The following TDRP variants were observed in gnomAD, a reference collection of about 807,000 sequenced individuals.
TDRP encodes testis development-related protein.
TDRP carries 12 observed loss-of-function variants against 10.5 expected under a neutral mutation model. That is an observed-to-expected ratio of 1.15 (90% CI 0.73 to 1.86). The LOEUF is 1.86. Ranked by LOEUF, TDRP falls within the 40% of genes most tolerant of loss-of-function variation. The pLI, the probability that TDRP is intolerant of heterozygous loss-of-function variation, is 0.00. For synonymous variants in TDRP, 139 were observed against 95.4 expected (o/e 1.46, Z -2.67); for missense variants, 353 against 229.2 (o/e 1.54, Z -3.49).
intron 1 of TDRP, 84 bp downstream of exon 1, chr8:544,566 A>ACCTCCACCTGCGCGCCGCCCACCCTCGC (rs571635190): frequency 2.1e-6 from 2 of 964,754 alleles, no homozygotes; most frequent in Admixed American, 4.4e-5. Flanking sequence ...AACTACCCGC[A>ACCTCCACCTGCGCGCCGCCCACCCTCGC]CCTCCACCTG....
chr8:530,655 C>T (rs1166030091), intron 1 of TDRP, among the ~76,000 whole-genome samples: 2 of 152,146 alleles, frequency 1.3e-5, no homozygotes, highest in Non-Finnish European at 2.9e-5. Context: ...CCCTCTGGTG[C>T]TTGTCTGTGG....
chr8:544,324 G>A (rs1584889717), intron 1 of TDRP, among the ~76,000 whole-genome samples: 2 of 152,106 alleles, frequency 1.3e-5, no homozygotes, highest in African/African-American at 4.8e-5. Flanking sequence ...CCGCTCTCCT[G>A]GGACTGCGCC....
intron 1 of TDRP, among the ~76,000 whole-genome samples, chr8:525,034 G>A (rs968265090): frequency 1.3e-5 from 2 of 152,092 alleles, no homozygotes; most frequent in African/African-American, 2.4e-5. Flanking sequence ...AACTCCTAAA[G>A]ACCAAAGATA....
intron 1 of TDRP, among the ~76,000 whole-genome samples, chr8:538,556 G>A (rs1802411109): frequency 6.6e-6 from 1 of 152,134 alleles, no homozygotes; most frequent in African/African-American, 2.4e-5. Flanking sequence ...ACTGATACTT[G>A]GCTAGGTCAA....
rs35680705 is a variant in TDRP, at chr8:504,864, G to C, written c.109-10267C>G. Among the ~76,000 whole-genome samples, 491 of 152,116 alleles carry C rather than the reference G, an allele frequency of 3.2e-3. 1 individual carries two copies. Among genetic ancestry groups the C allele is most frequent in the Non-Finnish European group, 5.3e-3 (358 of 67,956 alleles). Reference sequence around the variant, plus strand: ...ACCCAGACTTATAAATTCATTCTAAGCCCATGAGAGGCATTATTAATCATT... The same window carrying C: ...ACCCAGACTTATAAATTCATTCTAACCCCATGAGAGGCATTATTAATCATT... On this transcript the variant is annotated intron_variant, in intron 1 of 2. Coordinates refer to ENST00000324079, the MANE Select transcript of TDRP (RefSeq NM_001384899.1).
intron 1 of TDRP, among the ~76,000 whole-genome samples, chr8:528,661 T>C (rs1802100639): frequency 7.6e-6 from 1 of 130,988 alleles, no homozygotes; most frequent in African/African-American, 2.6e-5. Flanking sequence ...AAAGGATAAA[T>C]GCATAAAGTG....
intron 1 of TDRP, among the ~76,000 whole-genome samples, chr8:544,235 C>T (rs1231117630): frequency 6.6e-6 from 1 of 152,142 alleles, no homozygotes; most frequent in East Asian, 1.9e-4. Flanking sequence ...CCAGCTCCAC[C>T]CGGGACGCGA....
At chr8:527,958 C>G (rs948239415) in intron 1 of TDRP, among the ~76,000 whole-genome samples, 1 of 152,076 alleles carries the variant, frequency 6.6e-6, no homozygotes, top group African/African-American at 2.4e-5. Context: ...GACCAATCAA[C>G]AAATGGAAAG....
Position 490,894 on chromosome 8 carries a change from G to C in TDRP, c.*1505C>G, listed in dbSNP as rs1800952001. On this transcript the variant is annotated 3_prime_UTR_variant, in exon 3 of 3. Transcript: ENST00000324079. The stretch of plus-strand genomic sequence containing the variant: ...TCTTGTTCTATTAAAAAAAAAAGTA[G>C]ATGATTGACAGAAGGCTAGATGGAT... 1 of 152,066 alleles carries C rather than the reference G, an allele frequency of 6.6e-6. No homozygotes were observed. Among genetic ancestry groups the C allele is most frequent in the African/African-American group, 2.4e-5 (1 of 41,388 alleles). The allele number at this position is 152,066 out of a possible 1,614,324, so 9.4% of individuals were successfully genotyped here. A position where few individuals can be genotyped will look rare whatever the true frequency, so the allele number is the denominator to read the frequency against.
At chr8:515,257 G>A (rs1295847631) in intron 1 of TDRP, among the ~76,000 whole-genome samples, 1 of 152,114 alleles carries the variant, frequency 6.6e-6, no homozygotes, top group African/African-American at 2.4e-5. Context: ...CTTTGTAACT[G>A]CTCACTTAGC....
intron 1 of TDRP, among the ~76,000 whole-genome samples, chr8:523,925 T>C (rs768906132): frequency 2.6e-5 from 4 of 152,218 alleles, no homozygotes; most frequent in African/African-American, 7.2e-5. Context: ...CACCTGCTGA[T>C]TGTAGAGCCC....
Position 492,662 on chromosome 8 carries a change from G to A in TDRP, c.295C>T (p.Gln99Ter). 6.2e-7 allele frequency: 1 copy of A among 1,613,966 alleles called. No homozygotes were observed. Among genetic ancestry groups the A allele is most frequent in the South Asian group, 1.1e-5 (1 of 91,076 alleles). Residue 99 changes from glutamine (Q) to a stop codon, truncating the protein, a stop_gained, in exon 3 of 3, where the codon CAG becomes TAG. Transcript: ENST00000324079. LOFTEE classifies it low-confidence loss of function (END_TRUNC). ...TCAATTTCATCTGGTTTTTTAGACT[G>A]TATATTCTGTTTTAAAACCAAATTG... ...WDNLVLKQNI[Q>*]SKKPDEIEGW...
At chr8:508,749 T>C (rs548989490) in intron 1 of TDRP, among the ~76,000 whole-genome samples, 9 of 152,130 alleles carry the variant, frequency 5.9e-5, no homozygotes, top group Non-Finnish European at 1.2e-4. Flanking sequence ...AAGACACAAT[T>C]ATGCCTTCTC....
chr8:510,974 T>C (rs1801600221), intron 1 of TDRP, among the ~76,000 whole-genome samples: 1 of 152,150 alleles, frequency 6.6e-6, no homozygotes, highest in Admixed American at 6.5e-5. Flanking sequence ...GAAGCAAAGC[T>C]ACATCAGGCT....
In TDRP at chr8:494,663, C is replaced by T; in HGVS notation, c.109-66G>A. ...AATCAACAGAATTCCGCTTTCTACT[C>T]CAATAACCATGGAGTTGAAATTTAG... On this transcript the variant is annotated intron_variant, in intron 1 of 2. Coordinates refer to ENST00000324079, the MANE Select transcript of TDRP (RefSeq NM_001384899.1). The T allele has an allele frequency of 2.1e-6, 3 of 1,410,950 alleles. No homozygotes were observed. The South Asian group carries it at 3.5e-5, about 17-fold the overall frequency. The allele number at this position is 1,410,950 out of a possible 1,614,324, so 87.4% of individuals were successfully genotyped here. A position where few individuals can be genotyped will look rare whatever the true frequency, so the allele number is the denominator to read the frequency against.
intron 1 of TDRP, among the ~76,000 whole-genome samples, chr8:521,366 G>A (rs780730392): frequency 5.2e-4 from 79 of 151,838 alleles, no homozygotes; most frequent in Non-Finnish European, 9.4e-4. Flanking sequence ...ACAGTGAGCC[G>A]AGCTCACACC....
intron 1 of TDRP, among the ~76,000 whole-genome samples, chr8:518,794 ATATCT>A (rs1801822570): frequency 1.3e-5 from 2 of 152,216 alleles, no homozygotes; most frequent in Admixed American, 6.5e-5. Flanking sequence ...ATTTACATAA[ATATCT>A]TAATAGAAAG....
At chr8:528,729 C>T (rs1217805783) in intron 1 of TDRP, among the ~76,000 whole-genome samples, 1 of 152,050 alleles carries the variant, frequency 6.6e-6, no homozygotes, top group Non-Finnish European at 1.5e-5. Flanking sequence ...GTATCAAAAT[C>T]TCATGTACCC....
At chr8:496,592 C>G (rs1049360446) in intron 1 of TDRP, among the ~76,000 whole-genome samples, 3 of 152,188 alleles carry the variant, frequency 2.0e-5, no homozygotes, top group African/African-American at 7.2e-5. Context: ...TGCTGTGTCC[C>G]AACACCACAA....
Sources: allele counts gnomAD v4.1 joint callset (sites outside exome capture counted in the v4.1 genomes callset), GRCh38; gene constraint gnomAD v4.1.1; transcripts MANE v1.5; gene names NCBI Gene and HGNC (gene_info 2026-07-23, HGNC 2026-07-21).